Variants in CRK observed in about 807,000 individuals in gnomAD.
CRK encodes CRK proto-oncogene, adaptor protein, also known as adapter molecule crk.
Under a neutral mutation model 29.8 loss-of-function variants are expected in CRK, and 4 were observed. That is an observed-to-expected ratio of 0.13 (90% CI 0.07 to 0.31). The LOEUF (loss-of-function observed/expected upper bound fraction) is 0.31, where lower values mean the gene tolerates loss of function less well. Ranked by LOEUF, CRK falls within the 10% of genes least tolerant of loss-of-function variation. The pLI, the probability that CRK is intolerant of heterozygous loss-of-function variation, is 1.00. For synonymous variants in CRK, 153 were observed against 164.9 expected (o/e 0.93, Z 0.55); for missense variants, 274 against 396.5 (o/e 0.69, Z 2.62).
chr17:1,433,051 G>C (rs1054395076), intron 2 of CRK, among the ~76,000 whole-genome samples: 1 of 152,124 alleles, frequency 6.6e-6, no homozygotes, highest in Non-Finnish European at 1.5e-5. Flanking sequence ...ACAAACACTG[G>C]CTATTCCCTA....
intron 2 of CRK, among the ~76,000 whole-genome samples, chr17:1,423,866 G>A (rs568481748): frequency 6.6e-6 from 1 of 152,124 alleles, no homozygotes; most frequent in African/African-American, 2.4e-5. Context: ...GAAAAACAGA[G>A]AATACAGAAA....
Position 1,436,813 on chromosome 17 carries a change from G to A in CRK, c.584C>T (p.Ala195Val). 6.3e-7 allele frequency: 1 copy of A among 1,582,880 alleles called. No individual in the cohort carries two copies. Among genetic ancestry groups the A allele is most frequent in the Non-Finnish European group, 8.6e-7 (1 of 1,165,216 alleles). The part of the protein sequence containing the change: ...PYVEKYRPAS[A>V]SVSALIGGNQ... ...ACCTCCAATCAGAGCCGATACTGAG[G>A]CGGAGGCAGGTCTATACTTCTCGAC... The change falls in exon 2 of 3, where the codon GCC (alanine) becomes GTC (valine). Residue 195 changes from alanine to valine, a missense_variant. By Grantham distance (64) the Ala-to-Val change is moderately conservative. Coordinates refer to ENST00000300574, the MANE Select transcript of CRK (RefSeq NM_016823.4).
chr17:1,451,753 C>T (rs1009446980), intron 1 of CRK, among the ~76,000 whole-genome samples: 6 of 151,184 alleles, frequency 4.0e-5, no homozygotes, highest in Admixed American at 2.6e-4. Flanking sequence ...CCGAGGTGGG[C>T]GGATCACCTG....
intron 2 of CRK, among the ~76,000 whole-genome samples, chr17:1,425,660 C>T (rs775714955): frequency 3.9e-5 from 6 of 152,216 alleles, no homozygotes; most frequent in South Asian, 4.1e-4. Flanking sequence ...TAAAAATGTA[C>T]GCAGGCACAT....
intron 1 of CRK, among the ~76,000 whole-genome samples, chr17:1,438,983 G>A (rs1047918622): frequency 6.6e-6 from 1 of 151,932 alleles, no homozygotes; most frequent in Non-Finnish European, 1.5e-5. Context: ...ACAGGCACAC[G>A]CCACCACGCC....
rs1811479894 is a variant in CRK, at chr17:1,437,215, A to AT, written c.242-61dup. 4 of 1,494,836 alleles carry AT rather than the reference A, an allele frequency of 2.7e-6. No homozygotes were observed. In the Admixed American group the frequency reaches 9.2e-5, roughly 35 times the overall value. The allele number at this position is 1,494,836 out of a possible 1,614,324, so 92.6% of individuals were successfully genotyped here. A position where few individuals can be genotyped will look rare whatever the true frequency, so the allele number is the denominator to read the frequency against. ...GTACTACACTGGAAATGAAATGCAG[A>AT]TTTTATTTTTATTTTTTTTAGAGTT... On this transcript the variant is annotated intron_variant, in intron 1 of 2. Transcript: ENST00000300574.
At chr17:1,453,083 G>C (rs1389862763) in intron 1 of CRK, among the ~76,000 whole-genome samples, 1 of 152,146 alleles carries the variant, frequency 6.6e-6, no homozygotes, top group Non-Finnish European at 1.5e-5. Flanking sequence ...ACTCCAGCTT[G>C]GGTGACAGAG....
intron 2 of CRK, among the ~76,000 whole-genome samples, chr17:1,433,272 T>G (rs1598296824): frequency 6.6e-6 from 1 of 152,308 alleles, no homozygotes; most frequent in East Asian, 1.9e-4. Flanking sequence ...ACTGCTTTTC[T>G]AGGTCCCTAC....
Position 1,422,782 on chromosome 17 carries a change from A to G in CRK, c.*731T>C. ...GGGAGACTGGCTGTCCACTTAGTGA[A>G]TCCAACACTGGCTTAAAGCTATGCA... is the stretch of plus-strand genomic sequence containing the variant. On this transcript the variant is annotated 3_prime_UTR_variant, in exon 3 of 3. Coordinates refer to ENST00000300574, the MANE Select transcript of CRK (RefSeq NM_016823.4). The G allele has an allele frequency of 5.0e-6, 2 of 396,966 alleles. No homozygotes were observed. Among genetic ancestry groups the G allele is most frequent in the East Asian group, 7.1e-5 (2 of 27,986 alleles). 24.6% of individuals were successfully genotyped at this position (396,966 alleles called of 1,614,324 possible). A position where few individuals can be genotyped will look rare whatever the true frequency, so the allele number is the denominator to read the frequency against.
intron 1 of CRK, among the ~76,000 whole-genome samples, chr17:1,444,597 G>GC (rs1555654438): frequency 1.8e-5 from 2 of 110,486 alleles, no homozygotes; most frequent in Non-Finnish European, 3.1e-5. Flanking sequence ...AGCCGAAGCG[G>GC]GGGGGGGGAT....
intron 1 of CRK, among the ~76,000 whole-genome samples, chr17:1,440,583 C>T (rs1368820593): frequency 6.6e-6 from 1 of 152,018 alleles, no homozygotes; most frequent in African/African-American, 2.4e-5. Context: ...AGTTCAAGAC[C>T]AGCCTGGGCA....
At chr17:1,437,231 T>C (rs1402863042) in intron 1 of CRK, 76 bp from the exon 2 acceptor site, 1 of 1,452,384 alleles carries the variant, frequency 6.9e-7, no homozygotes, top group African/African-American at 1.4e-5. Context: ...TTTTTATTTT[T>C]TTTAGAGTTG....
chr17:1,436,674 C>G lies in CRK; in HGVS notation c.723G>C (p.Arg241Ser). The G allele has an allele frequency of 6.2e-7, 1 of 1,612,732 alleles. No homozygotes were observed. The highest frequency in any genetic ancestry group is 8.5e-7 in the Non-Finnish European group (1 of 1,179,544). ...PNLQNGPIYA[R>S]VIQKRVPNAY... ...CATTGGGGACTCGCTTCTGGATAAC[C>G]CTGGCATATATGGGCCCATTCTGGA... The change falls in exon 2 of 3, where the codon AGG (arginine) becomes AGC (serine). Residue 241 changes from arginine (R) to serine (S), a missense_variant. Coordinates refer to ENST00000300574, the MANE Select transcript of CRK (RefSeq NM_016823.4).
chr17:1,455,022 C>T (rs900737260), intron 1 of CRK, among the ~76,000 whole-genome samples: 5 of 152,154 alleles, frequency 3.3e-5, no homozygotes, highest in African/African-American at 1.2e-4. Context: ...AAGTACACAC[C>T]GACAATGTTT....
intron 1 of CRK, among the ~76,000 whole-genome samples, chr17:1,451,806 C>T (rs2074020681): frequency 6.6e-6 from 1 of 151,890 alleles, no homozygotes; most frequent in Non-Finnish European, 1.5e-5. Flanking sequence ...TGGTGAAACC[C>T]CGTGTCTACT....
intron 1 of CRK, among the ~76,000 whole-genome samples, chr17:1,448,283 C>T (rs1247768375): frequency 1.3e-5 from 2 of 151,992 alleles, no homozygotes; most frequent in African/African-American, 4.8e-5. Context: ...GCCTCACCCC[C>T]GACTCTGCAA....
chr17:1,446,635 A>C (rs2073977097), intron 1 of CRK, among the ~76,000 whole-genome samples: 1 of 131,802 alleles, frequency 7.6e-6, no homozygotes, highest in African/African-American at 2.9e-5. Context: ...TCTTTCGCCT[A>C]GGCTGGACTG....
chr17:1,430,839 G>T (rs990191897), intron 2 of CRK, among the ~76,000 whole-genome samples: 19 of 151,656 alleles, frequency 1.3e-4, no homozygotes, highest in Non-Finnish European at 1.5e-4. Flanking sequence ...AGGCCGAGGT[G>T]GGTGGATCAC....
intron 2 of CRK, among the ~76,000 whole-genome samples, chr17:1,429,960 A>T (rs2150901681): frequency 6.6e-6 from 1 of 152,082 alleles, no homozygotes; most frequent in East Asian, 1.9e-4. Flanking sequence ...AAAAACACGA[A>T]TCTTTTCTTT....
Sources: allele counts gnomAD v4.1 joint callset (sites outside exome capture counted in the v4.1 genomes callset), GRCh38; gene constraint gnomAD v4.1.1; transcripts MANE v1.5; gene names NCBI Gene and HGNC (gene_info 2026-07-23, HGNC 2026-07-21).